Variants in SAMD7 observed in about 807,000 individuals in gnomAD.
The protein encoded by SAMD7 is sterile alpha motif domain containing 7, also known as sterile alpha motif domain-containing protein 7.
Under a neutral mutation model 36.7 loss-of-function variants are expected in SAMD7, and 34 were observed. That is an observed-to-expected ratio of 0.93 (90% CI 0.71 to 1.23). The LOEUF (loss-of-function observed/expected upper bound fraction) is 1.23. Ranked by LOEUF, SAMD7 falls within the 50% of genes most tolerant of loss-of-function variation. The pLI is 0.00. For synonymous variants in SAMD7, 188 were observed against 189.7 expected, an observed-to-expected ratio of 0.99 and a Z score of 0.07; for missense variants, 570 against 546.6, an observed-to-expected ratio of 1.04 and a Z score of -0.43.
chr3:169,916,861 G>A (rs989083297), intron 2 of SAMD7, among the ~76,000 whole-genome samples: 1 of 152,184 alleles, frequency 6.6e-6, no homozygotes, highest in African/African-American at 2.4e-5. Flanking sequence ...CGAATCCCAT[G>A]AGGAGCACCT....
At chr3:169,932,125 G>A (rs558104170) in intron 7 of SAMD7, 1 of 551,738 alleles carries the variant, frequency 1.8e-6, no homozygotes, top group East Asian at 3.9e-5. Context: ...TCCCCTGAGG[G>A]CTTTTCACCG....
chr3:169,926,354 T>G, intron 5 of SAMD7, 199 bp from the exon 6 acceptor site: 1 of 1,265,898 alleles, frequency 7.9e-7, no homozygotes, highest in African/African-American at 1.5e-5. Flanking sequence ...GCCTTTGGAC[T>G]TCCATTGTGA....
chr3:169,912,651 G>A (rs1342088443), intron 1 of SAMD7, among the ~76,000 whole-genome samples: 4 of 152,150 alleles, frequency 2.6e-5, no homozygotes, highest in African/African-American at 4.8e-5. Flanking sequence ...GACATGGATA[G>A]GTCTAATGAA....
chr3:169,927,035 C>A lies in SAMD7; in HGVS notation c.773C>A (p.Thr258Asn). The A allele has an allele frequency of 6.2e-7, 1 of 1,612,890 alleles. No homozygotes were observed. The highest frequency in any genetic ancestry group is 1.3e-5 in the African/African-American group (1 of 74,796). The change falls in exon 6 of 9, where the codon ACC (threonine) becomes AAC (asparagine). Residue 258 changes from threonine (T) to asparagine (N), a missense_variant. Transcript: ENST00000335556. ...AACACCTGTGGAGAGCTCGAGCCCA[C>A]CCATAGGAAACCCTGGGGGTCTCAC... ...LANTCGELEP[T>N]HRKPWGSHTT... is the part of the protein sequence containing the mutation.
chr3:169,938,435 A>G lies in SAMD7; in HGVS notation c.1270A>G (p.Thr424Ala). Residue 424 changes from threonine to alanine, a missense_variant, in exon 9 of 9, where the codon ACA becomes GCA. Transcript: ENST00000335556. ...TCTGGATCCTAATTCCTGGAGTGAT[A>G]CAATGAACATTTTTTGTCCCCAGGA... is the stretch of plus-strand genomic sequence containing the variant. ...PLLDPNSWSD[T>A]MNIFCPQDTI... is the part of the protein sequence containing the mutation. The G allele has an allele frequency of 1.2e-6, 2 of 1,612,972 alleles. No individual in the cohort carries two copies. The highest frequency in any genetic ancestry group is 1.7e-6 in the Non-Finnish European group (2 of 1,178,884).
intron 4 of SAMD7, among the ~76,000 whole-genome samples, chr3:169,923,914 G>T (rs573098717): frequency 6.6e-6 from 1 of 152,342 alleles, no homozygotes; most frequent in African/African-American, 2.4e-5. Flanking sequence ...GTTTGATATT[G>T]CCTGTTTGGG....
At chr3:169,927,281 C>CTTTA in intron 6 of SAMD7, 100 bp downstream of exon 6, 1 of 225,348 alleles carries the variant, frequency 4.4e-6, no homozygotes, top group Non-Finnish European at 7.8e-6. Context: ...CTCTTTTTAT[C>CTTTA]TTTCTTTTTT....
chr3:169,928,278 A>G (rs184268809), intron 6 of SAMD7, among the ~76,000 whole-genome samples, 179 bp from the exon 7 acceptor site: 234 of 152,366 alleles, frequency 1.5e-3, no homozygotes, highest in Admixed American at 2.5e-3. Flanking sequence ...AGATCTTTTC[A>G]GAGAAAGAAA....
In SAMD7 at chr3:169,926,930, A is replaced by G. The variant is rs1713290778; in HGVS notation, c.668A>G (p.Tyr223Cys). 3.1e-6 allele frequency: 5 copies of G among 1,614,052 alleles called. No homozygotes were observed. Among genetic ancestry groups the G allele is most frequent in the African/African-American group, 2.7e-5 (2 of 75,024 alleles). Reference sequence around the variant, plus strand: ...GCAGTTCCCTATGAAGAGGATCATTATGCAAAAGACCCAGACATTGAAGCA... The same window carrying G: ...GCAGTTCCCTATGAAGAGGATCATTGTGCAAAAGACCCAGACATTGAAGCA... ...THAVPYEEDH[Y>C]AKDPDIEAPS... is the part of the protein sequence containing the mutation. The change falls in exon 6 of 9, where the codon TAT becomes TGT. Residue 223 changes from tyrosine to cysteine, a missense_variant. Transcript: ENST00000335556.
At chr3:169,935,497 GT>G (rs1713685189) in intron 7 of SAMD7, among the ~76,000 whole-genome samples, 1 of 146,522 alleles carries the variant, frequency 6.8e-6, no homozygotes, top group Non-Finnish European at 1.5e-5. Context: ...TTTGTTTTCT[GT>G]TTTTTGTTTT....
rs147115451 is a variant in SAMD7, at chr3:169,913,668, C to T, written c.-116-1699C>T. Among the ~76,000 whole-genome samples, 86 of 152,326 alleles carry T rather than the reference C, an allele frequency of 5.6e-4. 2 individuals carry two copies. The highest frequency in any genetic ancestry group is 1.9e-3 in the African/African-American group (80 of 41,558). On this transcript the variant is annotated intron_variant, in intron 1 of 8. Coordinates refer to ENST00000335556, the MANE Select transcript of SAMD7 (RefSeq NM_001304366.2). Reference sequence around the variant, plus strand: ...TCCCTCACTTTGGGATTACCAGACACGCTCTGCACTGAAAATTTATATTCC... The same window carrying T: ...TCCCTCACTTTGGGATTACCAGACATGCTCTGCACTGAAAATTTATATTCC...
At position 169,938,452 on chromosome 3, in the gene SAMD7, T is replaced by G; in HGVS notation, c.1287T>G (p.Cys429Trp). The change falls in exon 9 of 9, where the codon TGT (cysteine) becomes TGG (tryptophan). Residue 429 changes from cysteine (C) to tryptophan (W), a missense_variant. Coordinates refer to ENST00000335556, the MANE Select transcript of SAMD7 (RefSeq NM_001304366.2). ...GGAGTGATACAATGAACATTTTTTGTCCCCAGGATACAATAATTCCTAAAG... is the reference window on the plus strand; with the variant it reads ...GGAGTGATACAATGAACATTTTTTGGCCCCAGGATACAATAATTCCTAAAG... ...NSWSDTMNIF[C>W]PQDTIIPKGI... is the part of the protein sequence containing the mutation. 1 of 1,613,342 alleles carries G rather than the reference T, an allele frequency of 6.2e-7. No homozygotes were observed. Among genetic ancestry groups the G allele is most frequent in the South Asian group, 1.1e-5 (1 of 91,050 alleles).
chr3:169,938,364 T>C lies in SAMD7; in HGVS notation c.1199T>C (p.Phe400Ser). Residue 400 changes from phenylalanine to serine, a missense_variant, in exon 9 of 9, where the codon TTT becomes TCT. By Grantham distance (155) the Phe-to-Ser change is radical. Transcript: ENST00000335556. ...GSMFYKKTLS[F>S]PIRQAFDQPA... is the part of the protein sequence containing the mutation. Reference sequence around the variant, plus strand: ...ATGTTCTACAAGAAAACTCTTTCATTTCCTATAAGACAAGCATTTGATCAA... The same window carrying C: ...ATGTTCTACAAGAAAACTCTTTCATCTCCTATAAGACAAGCATTTGATCAA... 6.2e-7 allele frequency: 1 copy of C among 1,612,568 alleles called. No individual in the cohort carries two copies. Among genetic ancestry groups the C allele is most frequent in the Non-Finnish European group, 8.5e-7 (1 of 1,178,744 alleles).
chr3:169,919,194 T>C (rs1278941657), intron 2 of SAMD7, among the ~76,000 whole-genome samples: 2 of 152,166 alleles, frequency 1.3e-5, no homozygotes, highest in Admixed American at 1.3e-4. Flanking sequence ...ATTTCTGGAA[T>C]CTTGCAAGGC....
intron 5 of SAMD7, 68 bp from the exon 6 acceptor site, chr3:169,926,485 A>G: frequency 2.1e-6 from 3 of 1,450,686 alleles, no homozygotes; most frequent in Non-Finnish European, 2.8e-6. Context: ...AGGGAAGACA[A>G]GGGGTCATTA....
At chr3:169,926,468 C>T (rs973704356) in intron 5 of SAMD7, 85 bp from the exon 6 acceptor site, 3 of 1,362,914 alleles carry the variant, frequency 2.2e-6, no homozygotes, top group Non-Finnish European at 3.0e-6. Context: ...AGTGTGAGGA[C>T]TATTTTAGGG....
chr3:169,926,804 G>A lies in SAMD7; in HGVS notation c.542G>A (p.Cys181Tyr). The change falls in exon 6 of 9, where the codon TGT becomes TAT. Residue 181 changes from cysteine (C) to tyrosine (Y), a missense_variant. Coordinates refer to ENST00000335556, the MANE Select transcript of SAMD7 (RefSeq NM_001304366.2). Reference sequence around the variant, plus strand: ...TTTGAGGAGAGCTGGGGGCAGAGATGTCGTCGACTCAGGAAAAATACAGGG... The same window carrying A: ...TTTGAGGAGAGCTGGGGGCAGAGATATCGTCGACTCAGGAAAAATACAGGG... The part of the protein sequence containing the change: ...PHFEESWGQR[C>Y]RRLRKNTGNQ... The A allele has an allele frequency of 6.2e-7, 1 of 1,613,916 alleles. No individual in the cohort carries two copies. The highest frequency in any genetic ancestry group is 8.5e-7 in the Non-Finnish European group (1 of 1,179,986).
chr3:169,934,829 A>G (rs2108266294), intron 7 of SAMD7, among the ~76,000 whole-genome samples: 1 of 152,348 alleles, frequency 6.6e-6, no homozygotes, highest in African/African-American at 2.4e-5. Context: ...GAAGCCTAAG[A>G]AACCCTAACC....
chr3:169,932,976 T>A (rs1027053228), intron 7 of SAMD7: 2 of 709,826 alleles, frequency 2.8e-6, no homozygotes, highest in Non-Finnish European at 5.3e-6. Flanking sequence ...GAAAGAAGCA[T>A]TCTTTCCCCC....
Sources: gnomAD v4.1 joint callset for allele counts (sites outside exome capture counted in the v4.1 genomes callset) on GRCh38, gnomAD v4.1.1 for gene constraint, MANE v1.5 for transcripts, NCBI Gene and HGNC (gene_info 2026-07-23, HGNC 2026-07-21) for gene names.